The following CNBD1 variants were observed in gnomAD, a reference collection of about 807,000 sequenced individuals.
CNBD1 encodes the protein cyclic nucleotide-binding domain-containing protein 1.
CNBD1 carries 71 observed loss-of-function variants against 54.4 expected under a neutral mutation model. The ratio of observed to expected loss-of-function variants is 1.30; its 90% CI spans 1.08 to 1.59. The LOEUF (loss-of-function observed/expected upper bound fraction) is 1.59, where lower values mean the gene tolerates loss of function less well. Among genes scored for constraint, CNBD1 ranks in the 40% most tolerant of loss-of-function variants. The pLI, the probability that CNBD1 is intolerant of heterozygous loss-of-function variation, is 0.00. For missense variants in CNBD1, 659 were observed against 518.0 expected (o/e 1.27, Z -2.64); for synonymous variants, 182 against 170.7 (o/e 1.07, Z -0.51).
intron 1 of CNBD1, among the ~76,000 whole-genome samples, chr8:86,872,637 T>C (rs1808457743): frequency 6.6e-6 from 1 of 152,068 alleles, no homozygotes; most frequent in Non-Finnish European, 1.5e-5. Context: ...AGGTACGGAG[T>C]GGTATCTCGC....
intron 8 of CNBD1, among the ~76,000 whole-genome samples, chr8:87,298,902 TTTAC>T (rs1808933800): frequency 6.6e-6 from 1 of 152,188 alleles, no homozygotes; most frequent in African/African-American, 2.4e-5. Context: ...CATTGTCTCA[TTTAC>T]TTCTCAAAAC....
intron 2 of CNBD1, among the ~76,000 whole-genome samples, chr8:87,391,010 A>G (rs1811297700): frequency 6.8e-6 from 1 of 147,790 alleles, no homozygotes; most frequent in African/African-American, 2.5e-5. Flanking sequence ...CAAACACCGC[A>G]TGTTCTCACT....
chr8:87,281,565 T>G (rs1191629248), intron 6 of CNBD1, among the ~76,000 whole-genome samples: 307 of 14,708 alleles, frequency 0.021, 7 homozygotes, highest in African/African-American at 0.072. Flanking sequence ...TATATATATA[T>G]ATATATATAT....
At position 87,206,122 on chromosome 8, in the gene CNBD1, G is replaced by T. The variant is rs760576493; in HGVS notation, c.561G>T (p.Trp187Cys). 10 of 1,587,518 alleles carry T rather than the reference G, an allele frequency of 6.3e-6. No homozygotes were observed. In the South Asian group the frequency reaches 1.2e-4, roughly 18 times the overall value. ...TLSKTVFSET[W>C]LKGSTVVAND... Reference sequence around the variant, plus strand: ...GTAAGACTGTCTTTTCCGAAACCTGGTTGAAAGGCAGCACAGGTAATAGAC... The same window carrying T: ...GTAAGACTGTCTTTTCCGAAACCTGTTTGAAAGGCAGCACAGGTAATAGAC... The change falls in exon 5 of 11, where the codon TGG becomes TGT. Residue 187 changes from tryptophan (W) to cysteine (C), a missense_variant. Physicochemically the swap from Trp to Cys is radical, Grantham distance 215 (BLOSUM62 -2). Coordinates refer to ENST00000518476, the MANE Select transcript of CNBD1 (RefSeq NM_173538.3).
intron 10 of CNBD1, among the ~76,000 whole-genome samples, chr8:87,372,054 G>A (rs984249783): frequency 6.6e-6 from 1 of 151,990 alleles, no homozygotes; most frequent in East Asian, 1.9e-4. Context: ...AATTGTCCCT[G>A]TTTGCAGACG....
chr8:87,259,289 CT>C (rs112820783), intron 6 of CNBD1, among the ~76,000 whole-genome samples: 6 of 152,256 alleles, frequency 3.9e-5, no homozygotes, highest in African/African-American at 1.4e-4. Flanking sequence ...TTATAACTTT[CT>C]TTGCATAGCA....
At chr8:87,230,784 A>G (rs1276591570) in intron 5 of CNBD1, among the ~76,000 whole-genome samples, 1 of 152,196 alleles carries the variant, frequency 6.6e-6, no homozygotes, top group Non-Finnish European at 1.5e-5. Flanking sequence ...AGAAATCTAG[A>G]TTAAGAGGTT....
Position 86,959,077 on chromosome 8 carries a change from C to T in CNBD1, c.431+19323C>T, listed in dbSNP as rs149391462. 7.4e-3 allele frequency among the ~76,000 whole-genome samples: 1,124 copies of T among 152,168 alleles called. 11 individuals carry two copies. The highest frequency in any genetic ancestry group is 0.026 in the African/African-American group (1,079 of 41,510). On this transcript the variant is annotated intron_variant, in intron 4 of 10. Coordinates refer to ENST00000518476, the MANE Select transcript of CNBD1 (RefSeq NM_173538.3). ...AGAATCTCTCTGCATTTGTTTGTCT[C>T]TAAAGGATTTTATTTCTCCTTCACT... is the stretch of plus-strand genomic sequence containing the variant.
intron 4 of CNBD1, among the ~76,000 whole-genome samples, chr8:87,115,771 C>T (rs917023548): frequency 6.6e-6 from 1 of 152,170 alleles, no homozygotes; most frequent in East Asian, 1.9e-4. Flanking sequence ...CCTCGTATCT[C>T]TCGTATCTCT....
intron 4 of CNBD1, among the ~76,000 whole-genome samples, chr8:87,147,001 C>T (rs898001069): frequency 1.3e-5 from 2 of 152,236 alleles, no homozygotes; most frequent in Middle Eastern, 3.4e-3. Flanking sequence ...GAATCAGTTG[C>T]TTGTCTGCAA....
intron 2 of CNBD1, among the ~76,000 whole-genome samples, chr8:86,890,753 T>C (rs2131791971): frequency 6.6e-6 from 1 of 152,252 alleles, no homozygotes; most frequent in East Asian, 1.9e-4. Flanking sequence ...TCATCAGCAC[T>C]TACCTTTCTT....
At chr8:86,922,550 G>C (rs1036634294) in intron 3 of CNBD1, among the ~76,000 whole-genome samples, 6 of 152,106 alleles carry the variant, frequency 3.9e-5, no homozygotes, top group African/African-American at 1.4e-4. Flanking sequence ...TGGATGGCTT[G>C]GGGTATTATT....
chr8:86,925,730 C>CAAAAAAAAAAAAAAAAAAAAAA (rs71275895), intron 3 of CNBD1, among the ~76,000 whole-genome samples: 1 of 141,708 alleles, frequency 7.1e-6, no homozygotes. Flanking sequence ...AAAAAAATAC[C>CAAAAAAAAAAAAAAAAAAAAAA]AAAAAAAAAA....
chr8:86,866,421 T>G lies in CNBD1; in HGVS notation c.-75T>G. ...GAGAGGACCTTGAAGTTCTGCTTTA[T>G]GAGCCTGCAGGCAAAGAGTGATCAT... On this transcript the variant is annotated 5_prime_UTR_variant, in exon 1 of 11. It removes an upstream start codon present in the reference 5' UTR. Coordinates refer to ENST00000518476, the MANE Select transcript of CNBD1 (RefSeq NM_173538.3). 9.7e-7 allele frequency: 1 copy of G among 1,036,198 alleles called. No individual in the cohort carries two copies. Among genetic ancestry groups the G allele is most frequent in the South Asian group, 1.4e-5 (1 of 72,136 alleles). 64.2% of individuals were successfully genotyped at this position (1,036,198 alleles called of 1,614,324 possible).
At chr8:87,063,410 A>G (rs910804585) in intron 4 of CNBD1, among the ~76,000 whole-genome samples, 1 of 152,164 alleles carries the variant, frequency 6.6e-6, no homozygotes, top group Non-Finnish European at 1.5e-5. Flanking sequence ...GCTCTGAAGT[A>G]CCAACTTTGC....
In CNBD1 at chr8:87,351,552, T is replaced by A. The variant is rs1286675815; in HGVS notation, c.1043-133T>A. On this transcript the variant is annotated intron_variant, in intron 8 of 10. Transcript: ENST00000518476. Reference sequence around the variant, plus strand: ...TACATCTTGTATTAAGTACTGTCTATAAACTGGAATCTATTAAGAAACTTA... The same window carrying A: ...TACATCTTGTATTAAGTACTGTCTAAAAACTGGAATCTATTAAGAAACTTA... 7 of 801,284 alleles carry A rather than the reference T, an allele frequency of 8.7e-6. No individual in the cohort carries two copies. The Admixed American group carries it at 2.0e-4, about 23-fold the overall frequency. The allele number at this position is 801,284 out of a possible 1,614,324, so 49.6% of individuals were successfully genotyped here. A position where few individuals can be genotyped will look rare whatever the true frequency, so the allele number is the denominator to read the frequency against.
intron 4 of CNBD1, among the ~76,000 whole-genome samples, chr8:87,189,732 A>G (rs1229007391): frequency 6.6e-6 from 1 of 152,204 alleles, no homozygotes; most frequent in Non-Finnish European, 1.5e-5. Context: ...ACCAAACCCA[A>G]TTTCTGGAAA....
chr8:87,032,409 C>G (rs1399744768), intron 4 of CNBD1, among the ~76,000 whole-genome samples: 4 of 152,022 alleles, frequency 2.6e-5, no homozygotes, highest in African/African-American at 9.7e-5. Context: ...CTAAAGTAAG[C>G]TAGAGAAAAG....
chr8:87,061,407 G>T (rs1480990709), intron 4 of CNBD1, among the ~76,000 whole-genome samples: 1 of 152,148 alleles, frequency 6.6e-6, no homozygotes, highest in Non-Finnish European at 1.5e-5. Flanking sequence ...AATGCTCTAC[G>T]ATCCCCATAA....
Sources: gnomAD v4.1 joint callset for allele counts (sites outside exome capture counted in the v4.1 genomes callset) on GRCh38, gnomAD v4.1.1 for gene constraint, MANE v1.5 for transcripts, NCBI Gene and HGNC (gene_info 2026-07-23, HGNC 2026-07-21) for gene names.